Variants in KLHL32 observed in about 807,000 individuals in gnomAD.
The protein encoded by KLHL32 is kelch-like protein 32.
In KLHL32, 35 loss-of-function variants were observed where a neutral mutation model predicts 64.8. That is an observed-to-expected ratio of 0.54 (90% CI 0.41 to 0.72). KLHL32 has a LOEUF of 0.72. Among genes scored for constraint, KLHL32 ranks in the 30% least tolerant of loss-of-function variants. KLHL32 has a pLI of 0.00. For synonymous variants in KLHL32, 259 were observed against 281.0 expected, an observed-to-expected ratio of 0.92 and a Z score of 0.78; for missense variants, 589 against 768.5, an observed-to-expected ratio of 0.77 and a Z score of 2.76.
At chr6:97,089,594 CAT>C (rs1793922936) in intron 6 of KLHL32, among the ~76,000 whole-genome samples, 1 of 152,114 alleles carries the variant, frequency 6.6e-6, no homozygotes, top group Non-Finnish European at 1.5e-5. Context: ...GCCTGCCCAA[CAT>C]AGTGAAACCC....
intron 3 of KLHL32, among the ~76,000 whole-genome samples, chr6:97,035,212 C>G (rs1631105): frequency 0.28 from 43,155 of 152,006 alleles, 8,521 homozygotes; most frequent in African/African-American, 0.55. Context: ...ATTTTAAGTT[C>G]ATAACAACTT....
intron 3 of KLHL32, among the ~76,000 whole-genome samples, chr6:97,028,809 G>A (rs1164326517): frequency 6.6e-6 from 1 of 152,196 alleles, no homozygotes; most frequent in Non-Finnish European, 1.5e-5. Flanking sequence ...AAGCGTAAAA[G>A]TGCCATCCCT....
At chr6:96,989,027 C>T (rs1158174780) in intron 3 of KLHL32, among the ~76,000 whole-genome samples, 1 of 152,154 alleles carries the variant, frequency 6.6e-6, no homozygotes, top group Non-Finnish European at 1.5e-5. Context: ...ATGGGTGCAG[C>T]ACACCAGCAT....
chr6:97,059,988 T>C (rs1788611458), intron 4 of KLHL32, among the ~76,000 whole-genome samples: 2 of 152,206 alleles, frequency 1.3e-5, no homozygotes, highest in South Asian at 4.1e-4. Flanking sequence ...CCACTCTAAT[T>C]TGCAGTTGTA....
At chr6:96,951,832 A>G (rs559540293) in intron 1 of KLHL32, among the ~76,000 whole-genome samples, 1 of 152,308 alleles carries the variant, frequency 6.6e-6, no homozygotes, top group East Asian at 1.9e-4. Context: ...TAGAAGAGGC[A>G]ACTGCTTTCA....
intron 5 of KLHL32, among the ~76,000 whole-genome samples, chr6:97,073,828 A>G (rs1473926787): frequency 2.6e-5 from 4 of 152,062 alleles, no homozygotes; most frequent in Non-Finnish European, 2.9e-5. Context: ...CTTTCCTTCC[A>G]GAGGAAGGAA....
the KLHL32 span, among the ~76,000 whole-genome samples, chr6:96,917,710 G>A: frequency 9.9e-5 from 15 of 152,220 alleles, no homozygotes; most frequent in Admixed American, 2.6e-4. Context: ...GTGTGCCAGG[G>A]ATCAATTCCT....
chr6:97,083,368 C>A (rs183736920), intron 5 of KLHL32, among the ~76,000 whole-genome samples: 1 of 147,556 alleles, frequency 6.8e-6, no homozygotes, highest in African/African-American at 2.5e-5. Flanking sequence ...CCAGCCTGGG[C>A]GACAGAGCAA....
chr6:96,904,284 G>A, the KLHL32 span, among the ~76,000 whole-genome samples: 2 of 147,746 alleles, frequency 1.4e-5, no homozygotes, highest in African/African-American at 5.0e-5. Context: ...GGAGGTTGCA[G>A]TGAGCCGATA....
chr6:96,996,726 T>C (rs1181575925), intron 3 of KLHL32, among the ~76,000 whole-genome samples: 1 of 152,126 alleles, frequency 6.6e-6, no homozygotes, highest in African/African-American at 2.4e-5. Flanking sequence ...TAATTAATAT[T>C]AAATAATAAT....
the KLHL32 span, among the ~76,000 whole-genome samples, chr6:96,905,000 G>T: frequency 6.6e-6 from 1 of 152,026 alleles, no homozygotes; most frequent in Non-Finnish European, 1.5e-5. Context: ...CTTTCATACT[G>T]TATCTGTCCC....
At chr6:97,069,726 A>G (rs1046360523) in intron 5 of KLHL32, among the ~76,000 whole-genome samples, 2 of 152,106 alleles carry the variant, frequency 1.3e-5, no homozygotes, top group Non-Finnish European at 2.9e-5. Flanking sequence ...TGCTTTTTAA[A>G]TATTAAAATT....
At position 97,064,627 on chromosome 6, in the gene KLHL32, G is replaced by T. The variant is rs1441386715; in HGVS notation, c.313-1G>T. 6.2e-7 allele frequency: 1 copy of T among 1,613,114 alleles called. No individual in the cohort carries two copies. The highest frequency in any genetic ancestry group is 8.5e-7 in the Non-Finnish European group (1 of 1,179,432). On this transcript the variant is annotated splice_acceptor_variant, in intron 4 of 10. Coordinates refer to ENST00000369261, the MANE Select transcript of KLHL32 (RefSeq NM_052904.4). LOFTEE classifies it high-confidence loss of function. The stretch of plus-strand genomic sequence containing the variant: ...TTTATTTTTGTTAACAAACAAAACA[G>T]ATTTTGCTGGAGCCAGGTGTGATCC...
intron 3 of KLHL32, among the ~76,000 whole-genome samples, chr6:96,994,202 C>G (rs1213032798): frequency 6.6e-6 from 1 of 152,140 alleles, no homozygotes; most frequent in Non-Finnish European, 1.5e-5. Context: ...ATTTGTTTTC[C>G]TTGTGTCTTA....
intron 3 of KLHL32, among the ~76,000 whole-genome samples, chr6:97,012,241 A>G (rs1780504391): frequency 6.6e-6 from 1 of 152,178 alleles, no homozygotes; most frequent in Admixed American, 6.5e-5. Context: ...GAAGTGATGG[A>G]CCTTGAGGTG....
chr6:96,994,586 T>G, intron 3 of KLHL32: 3 of 985,456 alleles, frequency 3.0e-6, no homozygotes, highest in Non-Finnish European at 3.6e-6. Context: ...GAAGCTTTGA[T>G]GGATCTTTTC....
At chr6:97,002,085 T>C (rs571524920) in intron 3 of KLHL32, among the ~76,000 whole-genome samples, 130 of 152,262 alleles carry the variant, frequency 8.5e-4, no homozygotes, top group African/African-American at 3.0e-3. Flanking sequence ...GGAGAGCTGG[T>C]TGTATGCTTC....
chr6:96,934,459 C>A (rs9487575), intron 1 of KLHL32, among the ~76,000 whole-genome samples: 27,884 of 151,536 alleles, frequency 0.18, 2,837 homozygotes, highest in Non-Finnish European at 0.23. Flanking sequence ...ACAACAACAA[C>A]AAAAAAATAG....
intron 1 of KLHL32, among the ~76,000 whole-genome samples, chr6:96,954,129 TC>T (rs1327492025): frequency 2.0e-5 from 3 of 152,210 alleles, no homozygotes; most frequent in African/African-American, 7.2e-5. Context: ...CAATATGTAC[TC>T]CCTTGTTTAG....
Sources: allele counts gnomAD v4.1 joint callset (sites outside exome capture counted in the v4.1 genomes callset), GRCh38; gene constraint gnomAD v4.1.1; transcripts MANE v1.5; gene names NCBI Gene and HGNC (gene_info 2026-07-23, HGNC 2026-07-21).